WFDC8: variants seen among roughly 807,000 people sequenced by gnomAD.
WFDC8 encodes WAP four-disulfide core domain protein 8.
WFDC8 carries 24 observed loss-of-function variants against 27.0 expected under a neutral mutation model. The ratio of observed to expected loss-of-function variants is 0.89; its 90% CI spans 0.64 to 1.25. The LOEUF (loss-of-function observed/expected upper bound fraction) is 1.25, where lower values mean the gene tolerates loss of function less well. Ranked by LOEUF, WFDC8 falls within the 50% of genes most tolerant of loss-of-function variation. WFDC8 has a pLI of 0.00. For missense variants in WFDC8, 287 were observed against 295.9 expected (o/e 0.97, Z 0.22); for synonymous variants, 106 against 99.7 (o/e 1.06, Z -0.38).
At chr20:45,571,456 A>G (rs1383278484) in intron 1 of WFDC8, among the ~76,000 whole-genome samples, 3 of 152,252 alleles carry the variant, frequency 2.0e-5, no homozygotes, top group Admixed American at 6.5e-5. Context: ...TAACACATCC[A>G]TCACCTCAGA....
At chr20:45,557,515 C>A (rs1455435243) in intron 3 of WFDC8, among the ~76,000 whole-genome samples, 3 of 152,144 alleles carry the variant, frequency 2.0e-5, no homozygotes, top group Non-Finnish European at 4.4e-5. Flanking sequence ...TCATTGCAAC[C>A]TCTGCCTCCC....
chr20:45,572,093 C>T (rs192375913), intron 1 of WFDC8, among the ~76,000 whole-genome samples: 4 of 152,232 alleles, frequency 2.6e-5, no homozygotes, highest in Admixed American at 2.0e-4. Context: ...ATACTCCCAC[C>T]AACAGTGTTC....
chr20:45,554,474 C>G (rs942465083), intron 4 of WFDC8, among the ~76,000 whole-genome samples: 1 of 152,140 alleles, frequency 6.6e-6, no homozygotes, highest in East Asian at 1.9e-4. Flanking sequence ...TAAATCAATT[C>G]TTTGGGGTTT....
intron 1 of WFDC8, among the ~76,000 whole-genome samples, chr20:45,564,733 T>C (rs1016983073): frequency 6.0e-5 from 9 of 150,450 alleles, no homozygotes; most frequent in African/African-American, 2.2e-4. Flanking sequence ...TTCTAGCTAC[T>C]TAGGAGGCTG....
intron 1 of WFDC8, among the ~76,000 whole-genome samples, chr20:45,573,767 T>C (rs1040080827): frequency 2.0e-5 from 3 of 152,222 alleles, no homozygotes; most frequent in African/African-American, 7.2e-5. Context: ...CCCAAGACCA[T>C]TTATCAGAGA....
chr20:45,568,986 T>C (rs548721983), intron 1 of WFDC8, among the ~76,000 whole-genome samples: 52 of 152,362 alleles, frequency 3.4e-4, no homozygotes, highest in African/African-American at 1.2e-3. Context: ...CCAGCTTCTA[T>C]GTAGGTATCA....
Position 45,551,861 on chromosome 20 carries a change from A to G in WFDC8, c.*165T>C, listed in dbSNP as rs1211062839. 4 of 864,582 alleles carry G rather than the reference A, an allele frequency of 4.6e-6. No individual in the cohort carries two copies. In the East Asian group the frequency reaches 8.3e-5, roughly 18 times the overall value. 53.6% of individuals were successfully genotyped at this position (864,582 alleles called of 1,614,324 possible). On this transcript the variant is annotated 3_prime_UTR_variant, in exon 6 of 6. Transcript: ENST00000289953. ...ATGAAGTTGAAAAAAAGCCAAATAT[A>G]TCATCACTTTCAGATGATGGGATTA...
chr20:45,558,954 T>C lies in WFDC8; in HGVS notation c.175A>G (p.Thr59Ala). Reference protein sequence around the residue: ...GLCPKERLTCTTELPDSCNTD... With the variant: ...GLCPKERLTCATELPDSCNTD... Reference sequence around the variant, plus strand: ...TTACATGAGTCCGGAAGTTCAGTGGTACAGGTGAGCCTCTCTTTGGGACAT... The same window carrying C: ...TTACATGAGTCCGGAAGTTCAGTGGCACAGGTGAGCCTCTCTTTGGGACAT... The change falls in exon 3 of 6, where the codon ACC (threonine) becomes GCC (alanine). Residue 59 changes from threonine to alanine, a missense_variant. Physicochemically the swap from Thr to Ala is moderately conservative, Grantham distance 58. Coordinates refer to ENST00000289953, the MANE Select transcript of WFDC8 (RefSeq NM_130896.3). The C allele has an allele frequency of 6.2e-7, 1 of 1,614,232 alleles. No individual in the cohort carries two copies. Among genetic ancestry groups the C allele is most frequent in the Non-Finnish European group, 8.5e-7 (1 of 1,180,022 alleles).
chr20:45,570,466 A>G (rs1264529877), intron 1 of WFDC8, among the ~76,000 whole-genome samples: 2 of 152,182 alleles, frequency 1.3e-5, no homozygotes, highest in Non-Finnish European at 2.9e-5. Flanking sequence ...CACATAATGC[A>G]TTGAGATTCA....
At chr20:45,562,489 G>A (rs1014361297) in intron 1 of WFDC8, among the ~76,000 whole-genome samples, 1 of 152,138 alleles carries the variant, frequency 6.6e-6, no homozygotes, top group Non-Finnish European at 1.5e-5. Context: ...TCTTGTTCCT[G>A]GGTAAAAGGC....
intron 3 of WFDC8, among the ~76,000 whole-genome samples, chr20:45,556,554 G>C (rs1241503190): frequency 6.6e-6 from 1 of 152,124 alleles, no homozygotes; most frequent in Non-Finnish European, 1.5e-5. Context: ...GAGCATTGTG[G>C]CTGGTCATTG....
rs1269151117 is a variant in WFDC8, at chr20:45,575,528, A to G, written c.26+3694T>C. Among the ~76,000 whole-genome samples the G allele has an allele frequency of 6.2e-5, 9 of 145,858 alleles. No individual in the cohort carries two copies. The South Asian group carries it at 1.1e-3, about 18-fold the overall frequency. On this transcript the variant is annotated intron_variant, in intron 1 of 5. Coordinates refer to ENST00000289953, the MANE Select transcript of WFDC8 (RefSeq NM_130896.3). ...AAATTGGAGAAGACATAAATAAATG[A>G]AAAGATATTTCATATTCATATTTCA...
chr20:45,566,871 C>T (rs1980697472), intron 1 of WFDC8, among the ~76,000 whole-genome samples: 1 of 152,096 alleles, frequency 6.6e-6, no homozygotes, highest in Non-Finnish European at 1.5e-5. Context: ...TCCTTAGATG[C>T]TCATGTCGCT....
chr20:45,576,599 T>G (rs539193243), intron 1 of WFDC8, among the ~76,000 whole-genome samples: 1 of 151,298 alleles, frequency 6.6e-6, no homozygotes, highest in Non-Finnish European at 1.5e-5. Flanking sequence ...GGTCTTTCCA[T>G]GTTGCCTAGG....
At chr20:45,559,119 C>T in intron 2 of WFDC8, 127 bp from the exon 3 acceptor site, 3 of 1,206,214 alleles carry the variant, frequency 2.5e-6, no homozygotes, top group Non-Finnish European at 3.5e-6. Context: ...TCTTGCTCTG[C>T]TTATATTCAG....
chr20:45,569,489 A>G (rs1238585265), intron 1 of WFDC8, among the ~76,000 whole-genome samples: 1 of 152,204 alleles, frequency 6.6e-6, no homozygotes, highest in Non-Finnish European at 1.5e-5. Flanking sequence ...AAAAAATTTG[A>G]TTCCTGGAGT....
intron 1 of WFDC8, among the ~76,000 whole-genome samples, chr20:45,563,767 T>C (rs892477109): frequency 1.3e-5 from 2 of 152,184 alleles, no homozygotes; most frequent in East Asian, 3.8e-4. Flanking sequence ...TATTATCAAG[T>C]CACTCTATGG....
chr20:45,573,249 G>T (rs1292970986), intron 1 of WFDC8, among the ~76,000 whole-genome samples: 1 of 152,086 alleles, frequency 6.6e-6, no homozygotes, highest in Non-Finnish European at 1.5e-5. Flanking sequence ...TATAGTTTCA[G>T]CCATTGCAGT....
At chr20:45,565,531 A>G (rs1434151118) in intron 1 of WFDC8, among the ~76,000 whole-genome samples, 6 of 152,114 alleles carry the variant, frequency 3.9e-5, no homozygotes, top group Non-Finnish European at 8.8e-5. Flanking sequence ...TTTTAAAAAA[A>G]GCATACTTCT....
Sources: gnomAD v4.1 joint callset for allele counts (sites outside exome capture counted in the v4.1 genomes callset) on GRCh38, gnomAD v4.1.1 for gene constraint, MANE v1.5 for transcripts, NCBI Gene and HGNC (gene_info 2026-07-23, HGNC 2026-07-21) for gene names.